Variants in KLHL2 observed in about 807,000 individuals in gnomAD.
KLHL2 encodes kelch like family member 2.
Under a neutral mutation model 75.8 loss-of-function variants are expected in KLHL2, and 15 were observed. That is an observed-to-expected ratio of 0.20 (90% CI 0.13 to 0.30). The LOEUF is 0.30. KLHL2 is among the 10% of genes least tolerant of loss of function. The pLI is 1.00. For synonymous variants in KLHL2, 214 were observed against 251.9 expected, an observed-to-expected ratio of 0.85 and a Z score of 1.42; for missense variants, 381 against 741.0, an observed-to-expected ratio of 0.51 and a Z score of 5.64.
chr4:165,219,748 C>T, intron 1 of KLHL2, 186 bp from the exon 2 acceptor site: 1 of 1,301,028 alleles, frequency 7.7e-7, no homozygotes, highest in Non-Finnish European at 9.9e-7. Flanking sequence ...TTAATTGAAA[C>T]CATAGTGTCC....
intron 4 of KLHL2, among the ~76,000 whole-genome samples, chr4:165,262,664 G>T (rs1231190418): frequency 6.6e-6 from 1 of 151,906 alleles, no homozygotes; most frequent in Non-Finnish European, 1.5e-5. Context: ...CTACAGCCTC[G>T]ACCTCTCAGG....
At chr4:165,278,002 G>C (rs761717936) in intron 5 of KLHL2, 3 of 1,427,558 alleles carry the variant, frequency 2.1e-6, no homozygotes, top group Non-Finnish European at 3.0e-6. Context: ...TACCTGAGAT[G>C]TACCTTGCTC....
chr4:165,258,842 A>G (rs1383316966), intron 4 of KLHL2, among the ~76,000 whole-genome samples: 1 of 152,230 alleles, frequency 6.6e-6, no homozygotes, highest in Non-Finnish European at 1.5e-5. Flanking sequence ...TACATTAGAT[A>G]TTGAAAGACT....
At chr4:165,255,562 CAT>C (rs1741096200) in intron 4 of KLHL2, among the ~76,000 whole-genome samples, 1 of 152,140 alleles carries the variant, frequency 6.6e-6, no homozygotes, top group Non-Finnish European at 1.5e-5. Context: ...AGAGTTTTGA[CAT>C]AGGAAATGTT....
chr4:165,227,405 C>A (rs746145305), intron 2 of KLHL2, among the ~76,000 whole-genome samples: 11 of 152,134 alleles, frequency 7.2e-5, no homozygotes, highest in Non-Finnish European at 1.5e-4. Context: ...TTTATGGGAA[C>A]AAGTTTGCAA....
At chr4:165,212,783 C>T (rs188593796) in intron 1 of KLHL2, among the ~76,000 whole-genome samples, 1,645 of 152,286 alleles carry the variant, frequency 0.011, 23 homozygotes, top group African/African-American at 0.035. Flanking sequence ...TCACTTTTTT[C>T]TGTCTTGCAT....
At chr4:165,270,553 G>C (rs1258341811) in intron 5 of KLHL2, among the ~76,000 whole-genome samples, 1 of 152,182 alleles carries the variant, frequency 6.6e-6, no homozygotes, top group African/African-American at 2.4e-5. Context: ...CTTTCTGTTT[G>C]TTAGTTTTTC....
intron 2 of KLHL2, among the ~76,000 whole-genome samples, chr4:165,222,819 C>T (rs1480577605): frequency 1.3e-5 from 2 of 152,202 alleles, no homozygotes; most frequent in Non-Finnish European, 2.9e-5. Context: ...GAAGGGAAAA[C>T]TTCCTTGTTC....
intron 5 of KLHL2, among the ~76,000 whole-genome samples, chr4:165,272,542 C>T (rs115146063): frequency 0.075 from 11,351 of 152,134 alleles, 487 homozygotes; most frequent in Middle Eastern, 0.14. Context: ...TCCTGGGCTG[C>T]CAGTTTTCTC....
intron 9 of KLHL2, among the ~76,000 whole-genome samples, chr4:165,309,002 G>A (rs1261084925): frequency 6.6e-6 from 1 of 152,142 alleles, no homozygotes; most frequent in African/African-American, 2.4e-5. Flanking sequence ...AGGGGCAGAG[G>A]TACATCTCTT....
intron 4 of KLHL2, among the ~76,000 whole-genome samples, chr4:165,245,382 C>T (rs1740180024): frequency 6.6e-6 from 1 of 152,046 alleles, no homozygotes; most frequent in African/African-American, 2.4e-5. Context: ...GTGCCTTTAT[C>T]CAGGAAGAGC....
chr4:165,208,252 A>G (rs1451252308), intron 1 of KLHL2, among the ~76,000 whole-genome samples: 1 of 152,104 alleles, frequency 6.6e-6, no homozygotes, highest in Non-Finnish European at 1.5e-5. Flanking sequence ...CCCCTTTATA[A>G]GAGATCAGGC....
intron 3 of KLHL2, among the ~76,000 whole-genome samples, chr4:165,233,632 A>C (rs1421844368): frequency 4.6e-5 from 7 of 152,198 alleles, no homozygotes; most frequent in Non-Finnish European, 8.8e-5. Context: ...TTTATTGAGA[A>C]TCTTCTCTGC....
In KLHL2 at chr4:165,300,908, T is replaced by C. The variant is rs142751068; in HGVS notation, c.921+1252T>C. Among the ~76,000 whole-genome samples, 1,463 of 152,338 alleles carry C rather than the reference T, an allele frequency of 9.6e-3. 22 individuals carry two copies. Among genetic ancestry groups the C allele is most frequent in the African/African-American group, 0.031 (1,305 of 41,568 alleles). On this transcript the variant is annotated intron_variant, in intron 8 of 14. Coordinates refer to ENST00000226725, the MANE Select transcript of KLHL2 (RefSeq NM_007246.4). ...CTTTAATATTTTTCTAAGTTTTACTTTGGAGTCTACATTTTTAATTGCTGC... is the reference window on the plus strand; with the variant it reads ...CTTTAATATTTTTCTAAGTTTTACTCTGGAGTCTACATTTTTAATTGCTGC...
chr4:165,278,342 A>T, intron 5 of KLHL2: 1 of 1,150,240 alleles, frequency 8.7e-7, no homozygotes, highest in Non-Finnish European at 1.3e-6. Context: ...TTGTAGCTGC[A>T]TAAGAATTTT....
At chr4:165,320,286 A>G (rs531745907) in intron 14 of KLHL2, among the ~76,000 whole-genome samples, 1 of 152,248 alleles carries the variant, frequency 6.6e-6, no homozygotes, top group Non-Finnish European at 1.5e-5. Context: ...AAAGTTGCTA[A>G]CCCCCAATCC....
intron 3 of KLHL2, among the ~76,000 whole-genome samples, chr4:165,236,038 A>G (rs1739319898): frequency 6.6e-6 from 1 of 152,014 alleles, no homozygotes; most frequent in South Asian, 2.1e-4. Flanking sequence ...GAGGCAGGAA[A>G]ATAATTAGGA....
chr4:165,261,169 G>T (rs369944856), intron 4 of KLHL2, among the ~76,000 whole-genome samples: 1 of 152,180 alleles, frequency 6.6e-6, no homozygotes, highest in East Asian at 1.9e-4. Flanking sequence ...ATCTTGGAAC[G>T]CACTTTATGT....
intron 10 of KLHL2, among the ~76,000 whole-genome samples, chr4:165,311,103 C>T (rs974544805): frequency 1.7e-4 from 26 of 152,034 alleles, no homozygotes; most frequent in Non-Finnish European, 3.5e-4. Flanking sequence ...GTGATCCGCC[C>T]ACCTCGGCCT....
Sources: allele counts gnomAD v4.1 joint callset (sites outside exome capture counted in the v4.1 genomes callset), GRCh38; gene constraint gnomAD v4.1.1; transcripts MANE v1.5; gene names NCBI Gene and HGNC (gene_info 2026-07-23, HGNC 2026-07-21).